Variants in SDCCAG8 observed in about 807,000 individuals in gnomAD.
SDCCAG8 encodes serologically defined colon cancer antigen 8.
In SDCCAG8, 74 loss-of-function variants were observed where a neutral mutation model predicts 101.8. That is an observed-to-expected ratio of 0.73 (90% confidence interval 0.60 to 0.88). The LOEUF is 0.88. Ranked by LOEUF, SDCCAG8 falls within the 40% of genes least tolerant of loss-of-function variation. SDCCAG8 has a pLI of 0.00. For missense variants in SDCCAG8, 787 were observed against 822.6 expected (o/e 0.96, Z 0.53); for synonymous variants, 281 against 292.9 (o/e 0.96, Z 0.41).
chr1:243,442,087 A>G (rs993030668), intron 16 of SDCCAG8, among the ~76,000 whole-genome samples: 16 of 152,346 alleles, frequency 1.1e-4, no homozygotes, highest in African/African-American at 3.8e-4. Context: ...AGCATTCAAA[A>G]TGAATTCATG....
intron 4 of SDCCAG8, among the ~76,000 whole-genome samples, chr1:243,276,888 G>A (rs1012754336): frequency 1.3e-5 from 2 of 151,884 alleles, no homozygotes; most frequent in African/African-American, 4.8e-5. Flanking sequence ...TCATATACTT[G>A]GAATTATTCT....
chr1:243,287,856 G>C (rs2069784272), intron 5 of SDCCAG8, among the ~76,000 whole-genome samples: 1 of 152,152 alleles, frequency 6.6e-6, no homozygotes, highest in Non-Finnish European at 1.5e-5. Flanking sequence ...AAGGAAATTA[G>C]GCAGACAAGT....
intron 16 of SDCCAG8, among the ~76,000 whole-genome samples, chr1:243,481,581 G>T (rs1316191469): frequency 6.6e-6 from 1 of 152,146 alleles, no homozygotes; most frequent in African/African-American, 2.4e-5. Flanking sequence ...TCATGTATTT[G>T]CACCTTTGAA....
At chr1:243,337,280 C>T (rs1573396702) in intron 10 of SDCCAG8, among the ~76,000 whole-genome samples, 1 of 152,146 alleles carries the variant, frequency 6.6e-6, no homozygotes, top group South Asian at 2.1e-4. Flanking sequence ...TTCCCCATTG[C>T]ACATTTTTGT....
In SDCCAG8 at chr1:243,418,044, C is replaced by T. The variant is rs2080725262; in HGVS notation, c.1821C>T (p.Ala607=). 6.2e-7 allele frequency: 1 copy of T among 1,612,710 alleles called. No homozygotes were observed. Among genetic ancestry groups the T allele is most frequent in the Non-Finnish European group, 8.5e-7 (1 of 1,179,060 alleles). The stretch of plus-strand genomic sequence containing the variant: ...TAAAGGAAGAATGCTGTACATTAGC[C>T]AAGAAACTGGAACAAATCTCTCAAA... ...TKLKEECCTL[A]KKLEQISQKT... is the part of the protein sequence containing the mutation. Residue 607 remains alanine, a synonymous_variant, in exon 15 of 18, where the codon GCC becomes GCT. Coordinates refer to ENST00000366541, the MANE Select transcript of SDCCAG8 (RefSeq NM_006642.5).
In SDCCAG8 at chr1:243,308,061, GGCT is replaced by G. The variant is rs780319167; in HGVS notation, c.817_819del (p.Ala273del). On this transcript the variant is annotated inframe_deletion, in exon 8 of 18. Coordinates refer to ENST00000366541, the MANE Select transcript of SDCCAG8 (RefSeq NM_006642.5). Reference sequence around the variant, plus strand: ...AACTAAAGCATAAAGAATTTCTTCTGGCTGCTAATACTTGTAACCGTGTTGGTG... The same window carrying G: ...AACTAAAGCATAAAGAATTTCTTCTGGCTAATACTTGTAACCGTGTTGGTG... 2 of 1,614,124 alleles carry G rather than the reference GGCT, an allele frequency of 1.2e-6. No individual in the cohort carries two copies. The highest frequency in any genetic ancestry group is 1.7e-6 in the Non-Finnish European group (2 of 1,179,984).
chr1:243,425,568 C>T (rs192522608), intron 15 of SDCCAG8, among the ~76,000 whole-genome samples: 24 of 152,216 alleles, frequency 1.6e-4, no homozygotes, highest in Admixed American at 1.4e-3. Flanking sequence ...CAATCATTAA[C>T]CTGAAAACGA....
chr1:243,433,361 A>C (rs2081929295), intron 16 of SDCCAG8, among the ~76,000 whole-genome samples: 1 of 151,604 alleles, frequency 6.6e-6, no homozygotes, highest in Admixed American at 6.6e-5. Context: ...CAAAAGAAAA[A>C]AAAAAAAAAA....
In SDCCAG8 at chr1:243,489,091, TC is replaced by T; in HGVS notation, c.2065del (p.Leu689TrpfsTer32). ...VQLLSKQNQLLLERQSLSEEV... is the reference protein window; with the variant it reads ...VQLLSKQNQLXLERQSLSEEV... Reference sequence around the variant, plus strand: ...CTCCTCAGCAAGCAGAACCAGCTTCTCCTGGAGAGGCAGAGCCTGTCGGAAG... The same window carrying T: ...CTCCTCAGCAAGCAGAACCAGCTTCTCTGGAGAGGCAGAGCCTGTCGGAAG... On this transcript the variant is annotated frameshift_variant, in exon 17 of 18. Transcript: ENST00000366541. LOFTEE classifies it high-confidence loss of function. 6.2e-7 allele frequency: 1 copy of T among 1,613,296 alleles called. No homozygotes were observed. Among genetic ancestry groups the T allele is most frequent in the Non-Finnish European group, 8.5e-7 (1 of 1,179,992 alleles).
chr1:243,373,891 G>A (rs1253688054), intron 12 of SDCCAG8, among the ~76,000 whole-genome samples: 2 of 152,022 alleles, frequency 1.3e-5, no homozygotes, highest in African/African-American at 2.4e-5. Flanking sequence ...TAAAAGGATA[G>A]CCAAGTATTA....
At chr1:243,311,237 G>C (rs1035649306) in intron 8 of SDCCAG8, among the ~76,000 whole-genome samples, 1 of 152,062 alleles carries the variant, frequency 6.6e-6, no homozygotes, top group Non-Finnish European at 1.5e-5. Flanking sequence ...ATGAAAAACG[G>C]AAGTAGTTCT....
rs575257610 is a variant in SDCCAG8 at position 243,479,347 on chromosome 1, T to C, written c.1986-9667T>C. Among the ~76,000 whole-genome samples the C allele has an allele frequency of 2.0e-5, 3 of 152,314 alleles. No homozygotes were observed. In the South Asian group the frequency reaches 6.2e-4, roughly 32 times the overall value. ...TTCTAGCCCCGAGGCTGGCAAACTTTAAAAGGTCAGGTAATAAATATTGTA... is the reference window on the plus strand; with the variant it reads ...TTCTAGCCCCGAGGCTGGCAAACTTCAAAAGGTCAGGTAATAAATATTGTA... On this transcript the variant is annotated intron_variant, in intron 16 of 17. Transcript: ENST00000366541.
rs1051391996 is a variant in SDCCAG8, at chr1:243,416,030, CAG to C, written c.1744+204_1744+205del. Among the ~76,000 whole-genome samples, 4 of 152,206 alleles carry C rather than the reference CAG, an allele frequency of 2.6e-5. No homozygotes were observed. Among genetic ancestry groups the C allele is most frequent in the Admixed American group, 2.6e-4 (4 of 15,280 alleles). The stretch of plus-strand genomic sequence containing the variant: ...AGTATTGCCCACTGTCTGTTGATTT[CAG>C]AGTGCTGCTCTCACATCTGTTGCAC... On this transcript the variant is annotated intron_variant, in intron 14 of 17. Transcript: ENST00000366541. This position sits in a 1 kb window ranked among gnomAD's most constrained non-coding sequence, Gnocchi z 4.3.
Position 243,478,649 on chromosome 1 carries a change from C to G in SDCCAG8, c.1986-10365C>G, listed in dbSNP as rs567882170. 1.8e-3 allele frequency among the ~76,000 whole-genome samples: 275 copies of G among 152,120 alleles called. 3 individuals carry two copies. Among genetic ancestry groups the G allele is most frequent in the Middle Eastern group, 0.014 (4 of 292 alleles). On this transcript the variant is annotated intron_variant, in intron 16 of 17. Transcript: ENST00000366541. ...TTATTGAATAGGGTAGATTTAGGCA[C>G]GGGAAATGTAAACAGCAAACCAGCC...
intron 13 of SDCCAG8, among the ~76,000 whole-genome samples, chr1:243,414,686 G>A (rs2080443220): frequency 6.6e-6 from 1 of 152,100 alleles, no homozygotes; most frequent in Admixed American, 6.6e-5. Flanking sequence ...TTTTTAGTTT[G>A]GCAAAGGCTA....
chr1:243,371,042 A>G (rs1558370048), intron 12 of SDCCAG8, among the ~76,000 whole-genome samples: 1 of 152,138 alleles, frequency 6.6e-6, no homozygotes. Context: ...TCAAGTCACT[A>G]GCCCTAAAGT....
At chr1:243,324,559 G>A (rs12058508) in intron 9 of SDCCAG8, among the ~76,000 whole-genome samples, 31,780 of 145,892 alleles carry the variant, frequency 0.22, 3,760 homozygotes, top group South Asian at 0.42. Flanking sequence ...CCTGAGCTCA[G>A]CTGATTCTCC....
At chr1:243,347,012 C>T (rs146797778) in intron 12 of SDCCAG8, among the ~76,000 whole-genome samples, 2 of 152,156 alleles carry the variant, frequency 1.3e-5, no homozygotes, top group African/African-American at 4.8e-5. Flanking sequence ...ATCATTTTGC[C>T]AGTCCCCTTC....
At chr1:243,448,076 T>C (rs2083070639) in intron 16 of SDCCAG8, among the ~76,000 whole-genome samples, 1 of 152,200 alleles carries the variant, frequency 6.6e-6, no homozygotes, top group Non-Finnish European at 1.5e-5. Flanking sequence ...TCCTAACTCA[T>C]GGGTTGGGAG....
Sources: gnomAD v4.1 joint callset for allele counts (sites outside exome capture counted in the v4.1 genomes callset) on GRCh38, gnomAD v4.1.1 for gene constraint, Gnocchi (gnomAD v3.1) non-coding constraint, MANE v1.5 for transcripts, NCBI Gene and HGNC (gene_info 2026-07-23, HGNC 2026-07-21) for gene names.